Variants in LRFN1 observed in about 807,000 individuals in gnomAD.
The protein encoded by LRFN1 is leucine rich repeat and fibronectin type III domain containing 1, also known as leucine-rich repeat and fibronectin type III domain-containing protein 1.
A neutral mutation model predicts 31.8 loss-of-function variants in LRFN1; 20 were observed. The observed-to-expected ratio is 0.63, with a 90% CI of 0.44 to 0.91. The LOEUF (loss-of-function observed/expected upper bound fraction) is 0.91, where lower values mean the gene tolerates loss of function less well. Among genes scored for constraint, LRFN1 ranks in the 40% least tolerant of loss-of-function variants. LRFN1 has a pLI of 0.00. For synonymous variants in LRFN1, 514 were observed against 541.3 expected (o/e 0.95, Z 0.70); for missense variants, 912 against 1,129.8 (o/e 0.81, Z 2.76).
intron 2 of LRFN1, among the ~76,000 whole-genome samples, chr19:39,316,712 ACT>A: frequency 6.6e-6 from 1 of 151,314 alleles, no homozygotes; most frequent in East Asian, 1.9e-4. Context: ...ACACACACAC[ACT>A]CACACACTCA....
chr19:39,312,819 G>GA (rs1268919656), intron 4 of LRFN1, among the ~76,000 whole-genome samples: 152 of 142,534 alleles, frequency 1.1e-3, no homozygotes, highest in African/African-American at 1.1e-3. Flanking sequence ...AAAAGAAAAA[G>GA]AAAAAAAAAA....
rs751705409 is a variant in LRFN1, at chr19:39,315,344, TG to T, written c.-9del. The stretch of plus-strand genomic sequence containing the variant: ...GAAGGGTCCTGGAGCCATGGTGCAG[TG>T]GGAAGGCAGGAGGGGTGGGAGGTGA... On this transcript the variant is annotated 5_prime_UTR_variant, in exon 4 of 5. Coordinates refer to ENST00000248668, the MANE Select transcript of LRFN1 (RefSeq NM_020862.2). The surrounding 1 kb of genome is among the most constrained non-coding windows in gnomAD (Gnocchi z 4.7). 32 of 1,442,750 alleles carry T rather than the reference TG, an allele frequency of 2.2e-5. No homozygotes were observed. Among genetic ancestry groups the T allele is most frequent in the Non-Finnish European group, 2.6e-5 (29 of 1,100,974 alleles). 89.4% of individuals were successfully genotyped at this position (1,442,750 alleles called of 1,614,324 possible).
At position 39,308,042 on chromosome 19, in the gene LRFN1, T is replaced by C; in HGVS notation, c.1907A>G (p.Glu636Gly). Residue 636 changes from glutamate to glycine, a missense_variant, in exon 5 of 5, where the codon GAG (glutamate) becomes GGG (glycine). By Grantham distance (98) the Glu-to-Gly change is moderately conservative (BLOSUM62 -2). Transcript: ENST00000248668. The surrounding 1 kb of genome is among the most constrained non-coding windows in gnomAD (Gnocchi z 6.2). ...MEAETASAEP[E>G]VVLGRSLGGS... is the part of the protein sequence containing the mutation. ...GCCCAGAGAACGTCCAAGGACCACC[T>C]CCGGCTCCGCGGATGCCGTCTCGGC... The C allele has an allele frequency of 6.5e-7, 1 of 1,532,378 alleles. No individual in the cohort carries two copies. Among genetic ancestry groups the C allele is most frequent in the Non-Finnish European group, 8.7e-7 (1 of 1,144,538 alleles). The allele number at this position is 1,532,378 out of a possible 1,614,324, so 94.9% of individuals were successfully genotyped here.
Position 39,308,550 on chromosome 19 carries a change from A to G in LRFN1, c.1407-8T>C. On this transcript the variant is annotated splice_polypyrimidine_tract_variant and splice_region_variant and intron_variant, in intron 4 of 4. Coordinates refer to ENST00000248668, the MANE Select transcript of LRFN1 (RefSeq NM_020862.2). The surrounding 1 kb of genome is among the most constrained non-coding windows in gnomAD (Gnocchi z 6.2). ...CTGGTGGACGGGATCATCCTGTAGG[A>G]GGGGGCGGGTTCAGGGCGGGGTTAG... The G allele has an allele frequency of 6.6e-6, 6 of 907,684 alleles. No homozygotes were observed. Among genetic ancestry groups the G allele is most frequent in the East Asian group, 7.6e-5 (2 of 26,340 alleles). 56.2% of individuals were successfully genotyped at this position (907,684 alleles called of 1,614,324 possible).
At chr19:39,311,585 C>A (rs2075150569) in intron 4 of LRFN1, among the ~76,000 whole-genome samples, 1 of 152,200 alleles carries the variant, frequency 6.6e-6, no homozygotes, top group Admixed American at 6.5e-5. Context: ...TGACCTTGGG[C>A]AAGTGACATC....
In LRFN1 at chr19:39,308,076, C is replaced by A; in HGVS notation, c.1873G>T (p.Ala625Ser). 1 of 1,505,854 alleles carries A rather than the reference C, an allele frequency of 6.6e-7. No individual in the cohort carries two copies. Among genetic ancestry groups the A allele is most frequent in the Non-Finnish European group, 8.8e-7 (1 of 1,133,636 alleles). 93.3% of individuals were successfully genotyped at this position (1,505,854 alleles called of 1,614,324 possible). ...GCGGATGCCGTCTCGGCCTCCATGG[C>A]CTTGGCCTCGACGGCGACGGCGGGG... ...AAPAVAVEAK[A>S]MEAETASAEP... The change falls in exon 5 of 5, where the codon GCC becomes TCC. Residue 625 changes from alanine (A) to serine (S), a missense_variant. Around this residue, in one of 2 missense-constraint regions of LRFN1, gnomAD observed 511 missense variants for 557.0 expected, o/e 0.92. Coordinates refer to ENST00000248668, the MANE Select transcript of LRFN1 (RefSeq NM_020862.2). This position sits in a 1 kb window ranked among gnomAD's most constrained non-coding sequence, Gnocchi z 6.2.
chr19:39,314,960 G>A lies in LRFN1; in HGVS notation c.377C>T (p.Ala126Val), dbSNP rs753031324. The part of the protein sequence containing the change: ...RALHLDSNRL[A>V]EVRGDQLRGL... The stretch of plus-strand genomic sequence containing the variant: ...GCGGAGCTGGTCGCCGCGCACCTCC[G>A]CCAGGCGGTTGCTGTCCAGGTGCAG... Residue 126 changes from alanine (A) to valine (V), a missense_variant, in exon 4 of 5, where the codon GCG becomes GTG. This residue lies in a region of LRFN1 where 401 missense variants were observed against 572.7 expected (regional missense o/e 0.70). Coordinates refer to ENST00000248668, the MANE Select transcript of LRFN1 (RefSeq NM_020862.2). 39 of 1,593,946 alleles carry A rather than the reference G, an allele frequency of 2.4e-5. No individual in the cohort carries two copies. The South Asian group carries it at 4.0e-4, about 17-fold the overall frequency.
rs373799489 is a variant in LRFN1 at position 39,308,567 on chromosome 19, C to A, written c.1407-25G>T. ...CCTGTAGGAGGGGGCGGGTTCAGGG[C>A]GGGGTTAGTCCCCCCGAACCACGCC... On this transcript the variant is annotated intron_variant, in intron 4 of 4. Coordinates refer to ENST00000248668, the MANE Select transcript of LRFN1 (RefSeq NM_020862.2). This position sits in a 1 kb window ranked among gnomAD's most constrained non-coding sequence, Gnocchi z 6.2. 2 of 766,102 alleles carry A rather than the reference C, an allele frequency of 2.6e-6. No individual in the cohort carries two copies. The highest frequency in any genetic ancestry group is 1.5e-5 in the South Asian group (1 of 68,152). 47.5% of individuals were successfully genotyped at this position (766,102 alleles called of 1,614,324 possible). A position where few individuals can be genotyped will look rare whatever the true frequency, so the allele number is the denominator to read the frequency against.
intron 4 of LRFN1, among the ~76,000 whole-genome samples, chr19:39,309,963 T>C (rs2075145181): frequency 1.3e-5 from 2 of 152,174 alleles, no homozygotes; most frequent in African/African-American, 2.4e-5. Flanking sequence ...TTTTGTTTCA[T>C]TTTGTTTTGT....
Position 39,308,019 on chromosome 19 carries a change from C to T in LRFN1, c.1930G>A (p.Gly644Ser). The change falls in exon 5 of 5, where the codon GGC (glycine) becomes AGC (serine). Residue 644 changes from glycine to serine, a missense_variant. By Grantham distance (56) the Gly-to-Ser change is moderately conservative. Transcript: ENST00000248668. This position sits in a 1 kb window ranked among gnomAD's most constrained non-coding sequence, Gnocchi z 6.2. Reference protein sequence around the residue: ...EPEVVLGRSLGGSATSLCLLP... With the variant: ...EPEVVLGRSLSGSATSLCLLP... ...AGGCACAGCGAGGTGGCCGAGCCGC[C>T]CAGAGAACGTCCAAGGACCACCTCC... The T allele has an allele frequency of 1.3e-6, 2 of 1,564,060 alleles. No homozygotes were observed. Among genetic ancestry groups the T allele is most frequent in the Non-Finnish European group, 1.7e-6 (2 of 1,160,574 alleles).
chr19:39,309,478 CAAAA>C (rs71169583), intron 4 of LRFN1, among the ~76,000 whole-genome samples: 34 of 31,994 alleles, frequency 1.1e-3, no homozygotes, highest in African/African-American at 1.6e-3. Context: ...ACAAACAAAC[CAAAA>C]AAAAAAAAAA....
At chr19:39,309,977 A>T (rs1324563915) in intron 4 of LRFN1, among the ~76,000 whole-genome samples, 1 of 152,052 alleles carries the variant, frequency 6.6e-6, no homozygotes, top group Non-Finnish European at 1.5e-5. Flanking sequence ...GTTTTGTTTG[A>T]GACAGACTCT....
At chr19:39,317,605 C>T (rs1355787941) in intron 2 of LRFN1, among the ~76,000 whole-genome samples, 1 of 152,114 alleles carries the variant, frequency 6.6e-6, no homozygotes, top group Non-Finnish European at 1.5e-5. Context: ...ACAGAATCCG[C>T]CCTACTGCCT....
In LRFN1 at chr19:39,315,488, G is replaced by A; in HGVS notation, c.-37-115C>T. The A allele has an allele frequency of 1.5e-6, 1 of 647,248 alleles. No individual in the cohort carries two copies. Among genetic ancestry groups the A allele is most frequent in the Non-Finnish European group, 2.5e-6 (1 of 394,112 alleles). 40.1% of individuals were successfully genotyped at this position (647,248 alleles called of 1,614,324 possible). A position where few individuals can be genotyped will look rare whatever the true frequency, so the allele number is the denominator to read the frequency against. ...GCCTACAGCTGGGTTCCATAGGATG[G>A]TGAGAGGAAGCCACTATCAGCTATT... On this transcript the variant is annotated intron_variant, in intron 3 of 4. Coordinates refer to ENST00000248668, the MANE Select transcript of LRFN1 (RefSeq NM_020862.2). The surrounding 1 kb of genome is among the most constrained non-coding windows in gnomAD (Gnocchi z 4.7).
intron 4 of LRFN1, among the ~76,000 whole-genome samples, chr19:39,313,415 C>T (rs2075157769): frequency 1.3e-5 from 2 of 152,146 alleles, no homozygotes; most frequent in South Asian, 4.1e-4. Context: ...TCTGTAATCC[C>T]AGCTACTTGG....
In LRFN1 at chr19:39,314,512, G is replaced by T; in HGVS notation, c.825C>A (p.Cys275Ter). Residue 275 changes from cysteine to a stop codon, truncating the protein, a stop_gained, in exon 4 of 5, where the codon TGC becomes TGA. Transcript: ENST00000248668. LOFTEE classifies it high-confidence loss of function. ...RLTREDDLET[C>*]ATPEHLTDRY... ...GGTCGGTGAGGTGTTCGGGCGTGGC[G>T]CAGGTCTCTAAGTCGTCCTCGCGGG... 1 of 1,610,190 alleles carries T rather than the reference G, an allele frequency of 6.2e-7. No individual in the cohort carries two copies.
chr19:39,315,462 C>G lies in LRFN1; in HGVS notation c.-37-89G>C. On this transcript the variant is annotated intron_variant, in intron 3 of 4. Coordinates refer to ENST00000248668, the MANE Select transcript of LRFN1 (RefSeq NM_020862.2). The surrounding 1 kb of genome is among the most constrained non-coding windows in gnomAD (Gnocchi z 4.7). ...AGTCAGGCCTGGATCCCTCCCCTACCGCCTACAGCTGGGTTCCATAGGATG... is the reference window on the plus strand; with the variant it reads ...AGTCAGGCCTGGATCCCTCCCCTACGGCCTACAGCTGGGTTCCATAGGATG... 1.2e-6 allele frequency: 1 copy of G among 853,526 alleles called. No homozygotes were observed. The highest frequency in any genetic ancestry group is 1.7e-6 in the Non-Finnish European group (1 of 578,710). 52.9% of individuals were successfully genotyped at this position (853,526 alleles called of 1,614,324 possible).
At position 39,314,258 on chromosome 19, in the gene LRFN1, G is replaced by C. The variant is rs765281328; in HGVS notation, c.1079C>G (p.Thr360Ser). The C allele has an allele frequency of 6.2e-7, 1 of 1,613,092 alleles. No homozygotes were observed. Among genetic ancestry groups the C allele is most frequent in the African/African-American group, 1.3e-5 (1 of 74,918 alleles). The part of the protein sequence containing the change: ...RGDGTLDVTI[T>S]TLRDSGTFTC... ...GAAGGTGCCACTGTCCCTCAAGGTG[G>C]TGATGGTCACATCCAGCGTCCCGTC... The change falls in exon 4 of 5, where the codon ACC becomes AGC. Residue 360 changes from threonine to serine, a missense_variant. Transcript: ENST00000248668.
chr19:39,320,548 G>A (rs1451924171), intron 1 of LRFN1, among the ~76,000 whole-genome samples: 1 of 151,924 alleles, frequency 6.6e-6, no homozygotes, highest in Non-Finnish European at 1.5e-5. Context: ...CCGGAGGGGC[G>A]GCCGCTCGGG....
Sources: allele counts gnomAD v4.1 joint callset (sites outside exome capture counted in the v4.1 genomes callset), GRCh38; gene constraint gnomAD v4.1.1; regional missense constraint gnomAD v4.1.1; non-coding constraint Gnocchi (gnomAD v3.1); transcripts MANE v1.5; gene names NCBI Gene and HGNC (gene_info 2026-07-23, HGNC 2026-07-21).